HTR2C: variants seen among roughly 807,000 people sequenced by gnomAD.
HTR2C encodes the protein 5-hydroxytryptamine receptor 2C.
Under a neutral mutation model 21.0 loss-of-function variants are expected in HTR2C, and 5 were observed. The observed-to-expected ratio is 0.24, with a 90% confidence interval of 0.12 to 0.50. The LOEUF (loss-of-function observed/expected upper bound fraction) is 0.50, where lower values mean the gene tolerates loss of function less well. Among genes scored for constraint, HTR2C ranks in the 20% least tolerant of loss-of-function variants. The pLI is 0.98. For missense variants in HTR2C, 271 were observed against 371.2 expected (o/e 0.73, Z 2.22); for synonymous variants, 150 against 145.3 (o/e 1.03, Z -0.23).
At chrX:114,699,485 G>T (rs782193089) in intron 2 of HTR2C, among the ~76,000 whole-genome samples, 3 of 111,874 alleles carry the variant, frequency 2.7e-5, no homozygotes, top group African/African-American at 9.7e-5. Context: ...TGTCAATTTT[G>T]CCTAATACCA....
chrX:114,808,266 C>G (rs1479786744), intron 4 of HTR2C, among the ~76,000 whole-genome samples: 2 of 111,181 alleles, frequency 1.8e-5, no homozygotes, highest in Non-Finnish European at 3.8e-5. Flanking sequence ...ACACAATTAC[C>G]CCCAGTTCCA....
rs186058876 is a variant in HTR2C at position 114,692,979 on chromosome X, G to T, written c.-79-33879G>T. 1.0e-3 allele frequency among the ~76,000 whole-genome samples: 115 copies of T among 111,495 alleles called. 1 individual carries two copies. Among genetic ancestry groups the T allele is most frequent in the African/African-American group, 3.6e-3 (112 of 30,780 alleles). On this transcript the variant is annotated intron_variant, in intron 2 of 5. Coordinates refer to ENST00000276198, the MANE Select transcript of HTR2C (RefSeq NM_000868.4). ...AAAAGAAGCTTGGGAATGAAACCACGTGAAACAGCTGAAAGGAGTTCAGAG... is the reference window on the plus strand; with the variant it reads ...AAAAGAAGCTTGGGAATGAAACCACTTGAAACAGCTGAAAGGAGTTCAGAG...
At chrX:114,871,190 C>T (rs1216039718) in intron 5 of HTR2C, among the ~76,000 whole-genome samples, 1 of 111,503 alleles carries the variant, frequency 9.0e-6, no homozygotes, top group African/African-American at 3.2e-5. Flanking sequence ...ACCCACTGGT[C>T]ATTCAGGAGC....
intron 2 of HTR2C, among the ~76,000 whole-genome samples, chrX:114,673,176 T>G (rs1216439004): frequency 8.9e-6 from 1 of 112,381 alleles, no homozygotes; most frequent in Non-Finnish European, 1.9e-5. Flanking sequence ...TGTCTCACTT[T>G]TGGGACCTGA....
At chrX:114,803,503 T>C (rs1225485402) in intron 4 of HTR2C, among the ~76,000 whole-genome samples, 2 of 106,179 alleles carry the variant, frequency 1.9e-5, no homozygotes, top group Middle Eastern at 4.3e-3. Flanking sequence ...CATTTTTTCA[T>C]GTGTTTTTTG....
At chrX:114,785,261 C>T in intron 4 of HTR2C, among the ~76,000 whole-genome samples, 1 of 111,177 alleles carries the variant, frequency 9.0e-6, no homozygotes, top group East Asian at 2.8e-4. Flanking sequence ...GAAATGAAAG[C>T]AAAATGTCAC....
At chrX:114,588,473 T>C (rs782806688) in intron 1 of HTR2C, among the ~76,000 whole-genome samples, 2 of 111,535 alleles carry the variant, frequency 1.8e-5, no homozygotes, top group Non-Finnish European at 3.8e-5. Context: ...AAATTCAGAG[T>C]TGAATTAGCG....
chrX:114,729,208 T>G (rs1325229812), intron 3 of HTR2C, among the ~76,000 whole-genome samples: 1 of 112,073 alleles, frequency 8.9e-6, no homozygotes, highest in African/African-American at 3.2e-5. Context: ...TCCTGGCAAA[T>G]TTTGAAATAC....
intron 5 of HTR2C, among the ~76,000 whole-genome samples, chrX:114,890,823 C>T (rs1556482664): frequency 9.0e-6 from 1 of 111,519 alleles, no homozygotes. Flanking sequence ...GTGATTTCTC[C>T]TGTTTATTCT....
intron 4 of HTR2C, among the ~76,000 whole-genome samples, chrX:114,788,153 C>A (rs899468522): frequency 3.6e-5 from 4 of 111,248 alleles, no homozygotes; most frequent in African/African-American, 1.3e-4. Flanking sequence ...CCTACCCCTG[C>A]ATTTCCTCTC....
At chrX:114,838,712 T>C (rs1390504540) in intron 4 of HTR2C, among the ~76,000 whole-genome samples, 2 of 112,333 alleles carry the variant, frequency 1.8e-5, no homozygotes, top group Non-Finnish European at 3.8e-5. Flanking sequence ...TGGCCTCCCC[T>C]ATGGAAAGTG....
At chrX:114,768,906 G>C (rs782570279) in intron 4 of HTR2C, among the ~76,000 whole-genome samples, 42 of 111,191 alleles carry the variant, frequency 3.8e-4, no homozygotes, top group South Asian at 1.9e-3. Flanking sequence ...ATGTAATTAA[G>C]AGCTGTCCAA....
rs782293049 is a variant in HTR2C at position 114,733,123 on chromosome X, G to C, written c.349+1516G>C. Among the ~76,000 whole-genome samples the C allele has an allele frequency of 4.5e-5, 5 of 111,368 alleles. No individual in the cohort carries two copies. In the South Asian group the frequency reaches 1.9e-3, roughly 42 times the overall value. On this transcript the variant is annotated intron_variant, in intron 4 of 5. Transcript: ENST00000276198. Reference sequence around the variant, plus strand: ...CTAAGATTGATCTAAAACCACCACAGGTGGCCGGGCGCGGTTACTCACGCC... The same window carrying C: ...CTAAGATTGATCTAAAACCACCACACGTGGCCGGGCGCGGTTACTCACGCC...
At chrX:114,677,464 TAACTACAAGA>T (rs1273724860) in intron 2 of HTR2C, among the ~76,000 whole-genome samples, 3 of 111,113 alleles carry the variant, frequency 2.7e-5, no homozygotes, top group Non-Finnish European at 5.7e-5. Flanking sequence ...AAACCTCAGT[TAACTACAAGA>T]AAATGTTCAA....
At chrX:114,745,404 A>G (rs782212285) in intron 4 of HTR2C, among the ~76,000 whole-genome samples, 6 of 112,155 alleles carry the variant, frequency 5.3e-5, no homozygotes, top group Admixed American at 2.8e-4. Context: ...AGGTTCCTCG[A>G]TAAACTAAAA....
chrX:114,675,868 C>CTTTTTTTTTTTTTTT, intron 2 of HTR2C, among the ~76,000 whole-genome samples: 2 of 94,316 alleles, frequency 2.1e-5, no homozygotes, highest in Non-Finnish European at 2.1e-5. Flanking sequence ...TTTCTTTTTT[C>CTTTTTTTTTTTTTTT]TTTTTTCTTT....
At chrX:114,635,941 T>C (rs1929824157) in intron 2 of HTR2C, among the ~76,000 whole-genome samples, 2 of 111,443 alleles carry the variant, frequency 1.8e-5, no homozygotes. Context: ...AATGCAACCC[T>C]AGAGTGATAA....
intron 2 of HTR2C, among the ~76,000 whole-genome samples, chrX:114,642,520 A>C (rs945530905): frequency 8.9e-6 from 1 of 112,287 alleles, no homozygotes; most frequent in African/African-American, 3.2e-5. Flanking sequence ...AAGTTTAAAA[A>C]ACTTAAGCAA....
At chrX:114,811,591 T>A (rs2070532485) in intron 4 of HTR2C, among the ~76,000 whole-genome samples, 1 of 112,562 alleles carries the variant, frequency 8.9e-6, no homozygotes. Flanking sequence ...AGCCAATATG[T>A]TCCCATTGCA....
Sources: gnomAD v4.1 joint callset for allele counts (sites outside exome capture counted in the v4.1 genomes callset) on GRCh38, gnomAD v4.1.1 for gene constraint, MANE v1.5 for transcripts, NCBI Gene and HGNC (gene_info 2026-07-23, HGNC 2026-07-21) for gene names.